Variants in AQP11 observed in about 807,000 individuals in gnomAD.
AQP11 encodes the protein aquaporin-11.
A neutral mutation model predicts 21.1 loss-of-function variants in AQP11; 20 were observed. The ratio of observed to expected loss-of-function variants is 0.95; its 90% CI spans 0.67 to 1.38. The LOEUF (loss-of-function observed/expected upper bound fraction) is 1.38, where lower values mean the gene tolerates loss of function less well. Ranked by LOEUF, AQP11 falls within the 40% of genes most tolerant of loss-of-function variation. AQP11 has a pLI of 0.00. For missense variants in AQP11, 339 were observed against 340.4 expected (o/e 1.00, Z 0.03); for synonymous variants, 167 against 150.1 (o/e 1.11, Z -0.82).
intron 1 of AQP11, among the ~76,000 whole-genome samples, chr11:77,599,864 G>C (rs1958805292): frequency 6.6e-6 from 1 of 152,130 alleles, no homozygotes; most frequent in Non-Finnish European, 1.5e-5. Flanking sequence ...GGGATTACAG[G>C]AATGAGCCAT....
In AQP11 at chr11:77,603,633, C is replaced by A; in HGVS notation, c.697C>A (p.Pro233Thr). The change falls in exon 2 of 3, where the codon CCT becomes ACT. Residue 233 changes from proline (P) to threonine (T), a missense_variant. Pro to Thr is a conservative substitution (Grantham distance 38). Transcript: ENST00000313578. ...LHFMCFDEAF[P>T]QFFIVYWLAP... is the part of the protein sequence containing the mutation. ...TTTCATGTGTTTTGATGAAGCATTC[C>A]CTCAGTTTTTTATAGTATACTGGCT... 6.2e-7 allele frequency: 1 copy of A among 1,608,162 alleles called. No individual in the cohort carries two copies. The highest frequency in any genetic ancestry group is 8.5e-7 in the Non-Finnish European group (1 of 1,177,722).
intron 1 of AQP11, among the ~76,000 whole-genome samples, chr11:77,596,821 C>G (rs1958786180): frequency 6.6e-6 from 1 of 151,032 alleles, no homozygotes; most frequent in Admixed American, 6.6e-5. Context: ...GATTTCATCA[C>G]TGCATTCCAG....
At chr11:77,602,504 C>G (rs980947051) in intron 1 of AQP11, among the ~76,000 whole-genome samples, 2 of 152,122 alleles carry the variant, frequency 1.3e-5, no homozygotes, top group Admixed American at 1.3e-4. Flanking sequence ...TTCCAAAGGT[C>G]TATGATATCA....
intron 2 of AQP11, 77 bp downstream of exon 2, chr11:77,603,749 G>A: frequency 1.9e-6 from 2 of 1,074,350 alleles, no homozygotes; most frequent in East Asian, 2.7e-5. Flanking sequence ...ATTGTAACAT[G>A]TCAATTTCCA....
chr11:77,590,375 C>T lies in AQP11; in HGVS notation c.383C>T (p.Ala128Val). The T allele has an allele frequency of 3.7e-6, 6 of 1,613,806 alleles. No homozygotes were observed. Among genetic ancestry groups the T allele is most frequent in the African/African-American group, 1.3e-5 (1 of 74,980 alleles). ...AGGCTATTGGCTCAGCTGGTTAGTG[C>T]CCTGTGCAGCAGGTACTGCACAAGC... ...AVRLLAQLVSALCSRYCTSAL... is the reference protein window; with the variant it reads ...AVRLLAQLVSVLCSRYCTSAL... The change falls in exon 1 of 3, where the codon GCC becomes GTC. Residue 128 changes from alanine to valine, a missense_variant. By Grantham distance (64) the Ala-to-Val change is moderately conservative. Transcript: ENST00000313578.
intron 1 of AQP11, among the ~76,000 whole-genome samples, chr11:77,600,125 A>ATTTT (rs35426110): frequency 1.5e-5 from 2 of 129,698 alleles, no homozygotes; most frequent in Non-Finnish European, 3.2e-5. Flanking sequence ...ATGCCCAGCT[A>ATTTT]TTTTTTTTTT....
chr11:77,592,537 C>A (rs908653366), intron 1 of AQP11, among the ~76,000 whole-genome samples: 1 of 152,176 alleles, frequency 6.6e-6, no homozygotes, highest in Non-Finnish European at 1.5e-5. Flanking sequence ...TGTTCCTCTT[C>A]CCTCTCTTGA....
chr11:77,592,621 T>C (rs1450038999), intron 1 of AQP11, among the ~76,000 whole-genome samples: 4 of 152,256 alleles, frequency 2.6e-5, no homozygotes, highest in Non-Finnish European at 4.4e-5. Context: ...ACTGTATATA[T>C]TAGCCATTCC....
In AQP11 at chr11:77,590,351, G is replaced by A. The variant is rs140743866; in HGVS notation, c.359G>A (p.Arg120Lys). ...GGMSPETGAV[R>K]LLAQLVSALC... ...ATGTCCCCCGAGACGGGTGCGGTGAGGCTATTGGCTCAGCTGGTTAGTGCC... is the reference window on the plus strand; with the variant it reads ...ATGTCCCCCGAGACGGGTGCGGTGAAGCTATTGGCTCAGCTGGTTAGTGCC... The change falls in exon 1 of 3, where the codon AGG becomes AAG. Residue 120 changes from arginine to lysine, a missense_variant. Coordinates refer to ENST00000313578, the MANE Select transcript of AQP11 (RefSeq NM_173039.3). 16 of 1,612,630 alleles carry A rather than the reference G, an allele frequency of 9.9e-6. No homozygotes were observed. The highest frequency in any genetic ancestry group is 1.4e-5 in the Non-Finnish European group (16 of 1,179,044).
rs1279228856 is a variant in AQP11 at position 77,590,186 on chromosome 11, A to G, written c.194A>G (p.Gln65Arg). ...CTCTGCTGCTGCACCCACGAGCTGCAACTGCTGAGCGAACAGCACCCCGCG... is the reference window on the plus strand; with the variant it reads ...CTCTGCTGCTGCACCCACGAGCTGCGACTGCTGAGCGAACAGCACCCCGCG... ...FQLCCCTHEL[Q>R]LLSEQHPAHP... is the part of the protein sequence containing the mutation. The change falls in exon 1 of 3, where the codon CAA becomes CGA. Residue 65 changes from glutamine to arginine, a missense_variant. Coordinates refer to ENST00000313578, the MANE Select transcript of AQP11 (RefSeq NM_173039.3). The G allele has an allele frequency of 6.2e-7, 1 of 1,600,584 alleles. No individual in the cohort carries two copies. Among genetic ancestry groups the G allele is most frequent in the East Asian group, 2.2e-5 (1 of 44,820 alleles).
At chr11:77,592,523 C>A (rs1247582280) in intron 1 of AQP11, among the ~76,000 whole-genome samples, 3 of 152,124 alleles carry the variant, frequency 2.0e-5, no homozygotes, top group Admixed American at 6.6e-5. Flanking sequence ...TTTTTCAATA[C>A]CTATGTTCCT....
intron 2 of AQP11, among the ~76,000 whole-genome samples, chr11:77,608,386 G>T (rs1958858343): frequency 6.6e-6 from 1 of 152,174 alleles, no homozygotes; most frequent in Non-Finnish European, 1.5e-5. Context: ...ACTTTGGGAG[G>T]CCAAGGGGGG....
intron 1 of AQP11, among the ~76,000 whole-genome samples, chr11:77,597,286 A>G (rs1411203651): frequency 6.6e-6 from 1 of 151,122 alleles, no homozygotes; most frequent in Non-Finnish European, 1.5e-5. Context: ...CTAATTTGAA[A>G]ACAGGCCAGG....
rs542294271 is a variant in AQP11, at chr11:77,596,133, CG to C, written c.619+5524del. On this transcript the variant is annotated intron_variant, in intron 1 of 2. Transcript: ENST00000313578. ...CAGCACTTTGGGAGACGGAGGCGGG[CG>C]GATCACCTGAGTTCAGGAGTTCAAG... 8.6e-5 allele frequency among the ~76,000 whole-genome samples: 13 copies of C among 151,984 alleles called. 1 individual carries two copies. The South Asian group carries it at 2.7e-3, about 32-fold the overall frequency.
intron 2 of AQP11, among the ~76,000 whole-genome samples, chr11:77,605,053 C>T (rs1384802688): frequency 5.3e-5 from 8 of 152,016 alleles, no homozygotes; most frequent in African/African-American, 1.7e-4. Flanking sequence ...ATTAGCTGGT[C>T]GTGGTGGCGG....
In AQP11 at chr11:77,596,453, A is replaced by ATAT. The variant is rs1473314822; in HGVS notation, c.619+5842_619+5843insTAT. Reference sequence around the variant, plus strand: ...GAGACTATGTCTCAATTAAAAAAAAAAAATATATATATATATGTAAATATA... The same window carrying ATAT: ...GAGACTATGTCTCAATTAAAAAAAAATATAAATATATATATATATGTAAATATA... On this transcript the variant is annotated intron_variant, in intron 1 of 2. Coordinates refer to ENST00000313578, the MANE Select transcript of AQP11 (RefSeq NM_173039.3). 7.4e-5 allele frequency among the ~76,000 whole-genome samples: 9 copies of ATAT among 122,034 alleles called. No homozygotes were observed. The South Asian group carries it at 2.2e-3, about 30-fold the overall frequency. 80.1% of individuals were successfully genotyped at this position (122,034 alleles called of 152,430 possible).
chr11:77,593,999 T>C (rs1019340664), intron 1 of AQP11, among the ~76,000 whole-genome samples: 6 of 152,038 alleles, frequency 3.9e-5, no homozygotes, highest in African/African-American at 1.2e-4. Flanking sequence ...ATACAAAATA[T>C]CTAGATTAGG....
Position 77,603,552 on chromosome 11 carries a change from A to G in AQP11, c.620-4A>G, listed in dbSNP as rs773408203. 5.1e-6 allele frequency: 8 copies of G among 1,568,022 alleles called. No homozygotes were observed. In the African/African-American group the frequency reaches 9.6e-5, roughly 19 times the overall value. On this transcript the variant is annotated splice_polypyrimidine_tract_variant and splice_region_variant and intron_variant, in intron 1 of 2. Transcript: ENST00000313578. The stretch of plus-strand genomic sequence containing the variant: ...GAAATCACTCTGCTTAAAATCTGTT[A>G]CAGGAGGAAGTCTAACAGGAGCTGT...
intron 1 of AQP11, among the ~76,000 whole-genome samples, chr11:77,596,537 A>AATATATATGTATATATATATATAT (rs1958783041): frequency 2.3e-5 from 2 of 86,576 alleles, no homozygotes; most frequent in Non-Finnish European, 2.3e-5. Flanking sequence ...TATATATGTA[A>AATATATATGTATATATATATATAT]ATATATATAT....
Sources: gnomAD v4.1 joint callset for allele counts (sites outside exome capture counted in the v4.1 genomes callset) on GRCh38, gnomAD v4.1.1 for gene constraint, MANE v1.5 for transcripts, NCBI Gene and HGNC (gene_info 2026-07-23, HGNC 2026-07-21) for gene names.